UNC5C: variants seen among roughly 807,000 people sequenced by gnomAD.
The protein encoded by UNC5C is unc-5 netrin receptor C.
In UNC5C, 47 loss-of-function variants were observed where a neutral mutation model predicts 99.8. The observed-to-expected ratio is 0.47, with a 90% CI of 0.37 to 0.60. The LOEUF (loss-of-function observed/expected upper bound fraction) is 0.60, where lower values mean the gene tolerates loss of function less well. Ranked by LOEUF, UNC5C falls within the 20% of genes least tolerant of loss-of-function variation. The pLI, the probability that UNC5C is intolerant of heterozygous loss-of-function variation, is 0.00. For missense variants in UNC5C, 1,062 were observed against 1,165.9 expected (o/e 0.91, Z 1.30); for synonymous variants, 487 against 452.2 (o/e 1.08, Z -0.98).
intron 2 of UNC5C, among the ~76,000 whole-genome samples, chr4:95,303,425 C>T (rs1741946486): frequency 6.6e-6 from 1 of 152,206 alleles, no homozygotes; most frequent in Non-Finnish European, 1.5e-5. Context: ...CCTGTAATCC[C>T]AGCACTTTGG....
chr4:95,294,639 T>A (rs1741608229), intron 3 of UNC5C, among the ~76,000 whole-genome samples: 1 of 152,210 alleles, frequency 6.6e-6, no homozygotes, highest in African/African-American at 2.4e-5. Flanking sequence ...TCAAATTTTA[T>A]GTGAATCAGC....
intron 1 of UNC5C, among the ~76,000 whole-genome samples, chr4:95,500,238 C>G (rs1414154467): frequency 1.3e-5 from 2 of 151,988 alleles, no homozygotes; most frequent in Non-Finnish European, 2.9e-5. Flanking sequence ...CATGCCACAA[C>G]GAATAAATAG....
chr4:95,253,508 C>T (rs928681515), intron 4 of UNC5C, among the ~76,000 whole-genome samples: 11 of 152,104 alleles, frequency 7.2e-5, no homozygotes, highest in Admixed American at 6.6e-4. Flanking sequence ...CCTCAGGACC[C>T]CTGAGAAGCC....
chr4:95,495,540 A>C (rs939006592), intron 1 of UNC5C, among the ~76,000 whole-genome samples: 1 of 151,706 alleles, frequency 6.6e-6, no homozygotes, highest in Non-Finnish European at 1.5e-5. Flanking sequence ...TTAACATCAT[A>C]AAGATCACAT....
At chr4:95,311,616 A>G (rs918716466) in intron 2 of UNC5C, among the ~76,000 whole-genome samples, 23 of 152,294 alleles carry the variant, frequency 1.5e-4, no homozygotes, top group African/African-American at 5.1e-4. Context: ...GTGGAAATCT[A>G]GTTAACTATA....
chr4:95,464,215 G>C (rs2149472107), intron 1 of UNC5C, among the ~76,000 whole-genome samples: 1 of 152,248 alleles, frequency 6.6e-6, no homozygotes, highest in South Asian at 2.1e-4. Context: ...TCACTCAAAA[G>C]CTCTGTATTG....
At chr4:95,279,751 A>G (rs972206585) in intron 3 of UNC5C, among the ~76,000 whole-genome samples, 4 of 152,112 alleles carry the variant, frequency 2.6e-5, no homozygotes, top group African/African-American at 9.7e-5. Context: ...GCAGCATTGC[A>G]GTGGATTGAA....
chr4:95,290,676 C>T (rs1265868485), intron 3 of UNC5C, among the ~76,000 whole-genome samples: 1 of 152,112 alleles, frequency 6.6e-6, no homozygotes, highest in Non-Finnish European at 1.5e-5. Context: ...CAGAGTTAGG[C>T]ATACAGTAAG....
chr4:95,431,052 C>T (rs1301581365), intron 1 of UNC5C, among the ~76,000 whole-genome samples: 1 of 152,002 alleles, frequency 6.6e-6, no homozygotes, highest in Non-Finnish European at 1.5e-5. Context: ...CTCTCTAGCC[C>T]CTATGTCTTT....
At chr4:95,488,538 C>G (rs947588384) in intron 1 of UNC5C, among the ~76,000 whole-genome samples, 1 of 151,556 alleles carries the variant, frequency 6.6e-6, no homozygotes, top group Admixed American at 6.6e-5. Context: ...ATTTTAATAT[C>G]AGTTCTTTGG....
At chr4:95,270,162 T>C (rs527999439) in intron 4 of UNC5C, among the ~76,000 whole-genome samples, 356 of 152,350 alleles carry the variant, frequency 2.3e-3, no homozygotes, top group African/African-American at 8.2e-3. Flanking sequence ...CACCTTCCCT[T>C]GTAGGTGCTT....
intron 1 of UNC5C, among the ~76,000 whole-genome samples, chr4:95,385,121 T>A (rs566953698): frequency 6.6e-6 from 1 of 152,174 alleles, no homozygotes; most frequent in Non-Finnish European, 1.5e-5. Flanking sequence ...ATGGGCACCC[T>A]GTTCATATTA....
intron 5 of UNC5C, chr4:95,248,247 T>A (rs1739571982): frequency 3.8e-6 from 1 of 265,798 alleles, no homozygotes; most frequent in African/African-American, 2.3e-5. Context: ...ATTAAATTGG[T>A]GTAACACAAA....
intron 2 of UNC5C, among the ~76,000 whole-genome samples, chr4:95,301,965 A>C (rs1741898867): frequency 6.6e-6 from 1 of 152,192 alleles, no homozygotes; most frequent in Admixed American, 6.5e-5. Flanking sequence ...CTTCTGGATT[A>C]TTCTGAGGAT....
intron 4 of UNC5C, among the ~76,000 whole-genome samples, chr4:95,265,957 C>T (rs959030858): frequency 6.6e-6 from 1 of 152,210 alleles, no homozygotes; most frequent in Admixed American, 6.5e-5. Flanking sequence ...TTAATTGCCT[C>T]TTCCCTAGAA....
intron 4 of UNC5C, among the ~76,000 whole-genome samples, chr4:95,258,170 TTG>T (rs1740077009): frequency 6.6e-6 from 1 of 152,214 alleles, no homozygotes; most frequent in Non-Finnish European, 1.5e-5. Context: ...GAATCTTTTG[TTG>T]TGTTAGAAAT....
chr4:95,490,113 A>G (rs1721439792), intron 1 of UNC5C, among the ~76,000 whole-genome samples: 1 of 151,558 alleles, frequency 6.6e-6, no homozygotes, highest in African/African-American at 2.4e-5. Flanking sequence ...AGGAAAGGAG[A>G]AAGAGACGGA....
chr4:95,286,240 A>T (rs1741230764), intron 3 of UNC5C, among the ~76,000 whole-genome samples: 1 of 152,218 alleles, frequency 6.6e-6, no homozygotes, highest in South Asian at 2.1e-4. Flanking sequence ...AGGGCTAATA[A>T]TTGAAGGTGA....
chr4:95,498,890 AC>A (rs1721699634), intron 1 of UNC5C, among the ~76,000 whole-genome samples: 1 of 152,102 alleles, frequency 6.6e-6, no homozygotes, highest in Non-Finnish European at 1.5e-5. Context: ...TTTTGCTGCA[AC>A]AAATCTACTG....
Sources: allele counts gnomAD v4.1 joint callset (sites outside exome capture counted in the v4.1 genomes callset), GRCh38; gene constraint gnomAD v4.1.1; transcripts MANE v1.5; gene names NCBI Gene and HGNC (gene_info 2026-07-23, HGNC 2026-07-21).